Variants in MCC observed in about 807,000 individuals in gnomAD.
MCC encodes the protein MCC regulator of Wnt signaling pathway.
In MCC, 90 loss-of-function variants were observed where a neutral mutation model predicts 116.2. The ratio of observed to expected loss-of-function variants is 0.77; its 90% CI spans 0.65 to 0.92. The LOEUF (loss-of-function observed/expected upper bound fraction) is 0.92, where lower values mean the gene tolerates loss of function less well. MCC is among the 40% of genes least tolerant of loss of function. The probability of loss-of-function intolerance (pLI) is 0.00; values close to 1 mark genes in which losing one functional copy is unlikely to be tolerated. For synonymous variants in MCC, 578 were observed against 510.5 expected (o/e 1.13, Z -1.78); for missense variants, 1,516 against 1,312.2 (o/e 1.16, Z -2.40).
intron 5 of MCC, among the ~76,000 whole-genome samples, chr5:113,133,514 C>T (rs1758597617): frequency 6.6e-6 from 1 of 151,228 alleles, no homozygotes; most frequent in Non-Finnish European, 1.5e-5. Flanking sequence ...TGTGTATCTT[C>T]ATCTATTCAT....
At chr5:113,486,339 C>G (rs990605682) in intron 1 of MCC, among the ~76,000 whole-genome samples, 5 of 152,216 alleles carry the variant, frequency 3.3e-5, no homozygotes, top group Non-Finnish European at 5.9e-5. Flanking sequence ...AGTTTCTACT[C>G]TAATCCAAAA....
At chr5:113,394,933 C>CT in intron 1 of MCC, among the ~76,000 whole-genome samples, 1 of 152,268 alleles carries the variant, frequency 6.6e-6, no homozygotes, top group South Asian at 2.1e-4. Flanking sequence ...TCTATGACTA[C>CT]TTTTTTGCTA....
At chr5:113,197,889 G>T (rs143384655) in intron 3 of MCC, among the ~76,000 whole-genome samples, 1 of 152,226 alleles carries the variant, frequency 6.6e-6, no homozygotes, top group Non-Finnish European at 1.5e-5. Flanking sequence ...GTAAACCCAG[G>T]CAGGAGAGGC....
At chr5:113,095,830 A>G (rs543162746) in intron 8 of MCC, among the ~76,000 whole-genome samples, 6 of 152,260 alleles carry the variant, frequency 3.9e-5, no homozygotes, top group Non-Finnish European at 7.4e-5. Flanking sequence ...AGAGGAGTTC[A>G]GTCTGCAAAT....
At chr5:113,449,280 A>T (rs1771314328) in intron 1 of MCC, among the ~76,000 whole-genome samples, 1 of 152,240 alleles carries the variant, frequency 6.6e-6, no homozygotes, top group Admixed American at 6.5e-5. Flanking sequence ...GCTAAAATAA[A>T]CAAATTAGCC....
intron 1 of MCC, among the ~76,000 whole-genome samples, chr5:113,387,385 C>T (rs145010055): frequency 2.0e-5 from 3 of 152,220 alleles, no homozygotes; most frequent in African/African-American, 4.8e-5. Context: ...ATAAGACCTA[C>T]CTGATATTCA....
At chr5:113,332,616 T>C (rs1221186976) in intron 3 of MCC, among the ~76,000 whole-genome samples, 1 of 142,624 alleles carries the variant, frequency 7.0e-6, no homozygotes, top group Non-Finnish European at 1.5e-5. Context: ...ATAAATCCAG[T>C]AGAAAAAAAT....
chr5:113,409,710 T>C (rs544485823), intron 1 of MCC, among the ~76,000 whole-genome samples: 2 of 152,188 alleles, frequency 1.3e-5, no homozygotes, highest in Non-Finnish European at 2.9e-5. Context: ...TAAGATTTAG[T>C]AATTTTAAAG....
At chr5:113,246,605 C>T (rs1224553471) in intron 3 of MCC, among the ~76,000 whole-genome samples, 2 of 152,208 alleles carry the variant, frequency 1.3e-5, no homozygotes, top group African/African-American at 4.8e-5. Context: ...GGCTGAGAGC[C>T]AAGTAAATGA....
intron 17 of MCC, among the ~76,000 whole-genome samples, chr5:113,029,806 A>G (rs536078248): frequency 6.6e-6 from 1 of 152,316 alleles, no homozygotes; most frequent in Admixed American, 6.5e-5. Context: ...CTCCCTTCCA[A>G]GATCCTTCTA....
chr5:113,180,676 A>G (rs1761581721), intron 3 of MCC, among the ~76,000 whole-genome samples: 1 of 152,332 alleles, frequency 6.6e-6, no homozygotes, highest in East Asian at 1.9e-4. Context: ...CAAGAAGAGT[A>G]TACATTTATG....
chr5:113,479,895 T>C (rs1180545222), intron 1 of MCC, among the ~76,000 whole-genome samples: 1 of 152,236 alleles, frequency 6.6e-6, no homozygotes, highest in Non-Finnish European at 1.5e-5. Context: ...AAAGGCTCTC[T>C]TTCAAAAATT....
At chr5:113,416,425 T>A (rs1241749322) in intron 1 of MCC, among the ~76,000 whole-genome samples, 1 of 151,504 alleles carries the variant, frequency 6.6e-6, no homozygotes, top group Non-Finnish European at 1.5e-5. Flanking sequence ...AGATCCCATC[T>A]CTTAAAAAAA....
At chr5:113,451,706 G>A (rs905012845) in intron 1 of MCC, among the ~76,000 whole-genome samples, 2 of 152,094 alleles carry the variant, frequency 1.3e-5, no homozygotes, top group Non-Finnish European at 2.9e-5. Flanking sequence ...CAACAAGAGT[G>A]AAACTCTGTC....
At chr5:113,446,822 G>C (rs116558775) in intron 1 of MCC, among the ~76,000 whole-genome samples, 3,540 of 152,202 alleles carry the variant, frequency 0.023, 151 homozygotes, top group African/African-American at 0.081. Context: ...GAGGGCAAGG[G>C]TTGAAAAACT....
At chr5:113,059,432 G>T (rs950275660) in intron 14 of MCC, among the ~76,000 whole-genome samples, 10 of 152,192 alleles carry the variant, frequency 6.6e-5, no homozygotes, top group African/African-American at 1.9e-4. Flanking sequence ...AGGCGCTGGC[G>T]GTCTCCCAAG....
intron 1 of MCC, among the ~76,000 whole-genome samples, chr5:113,457,381 G>A (rs988823832): frequency 3.3e-5 from 5 of 152,242 alleles, no homozygotes; most frequent in Admixed American, 1.3e-4. Context: ...CTGCCTTCCC[G>A]CGGAGCAGGC....
At chr5:113,251,971 T>C (rs1387346425) in intron 3 of MCC, among the ~76,000 whole-genome samples, 5 of 152,118 alleles carry the variant, frequency 3.3e-5, no homozygotes, top group East Asian at 1.9e-4. Context: ...AAAGAGACAA[T>C]CAAAGTATTC....
At chr5:113,114,493 G>A (rs1225376305) in intron 6 of MCC, among the ~76,000 whole-genome samples, 2 of 151,938 alleles carry the variant, frequency 1.3e-5, no homozygotes, top group African/African-American at 2.4e-5. Context: ...CCACCCTGAA[G>A]CCTATAACCA....
Sources: allele counts gnomAD v4.1 joint callset (sites outside exome capture counted in the v4.1 genomes callset), GRCh38; gene constraint gnomAD v4.1.1; transcripts MANE v1.5; gene names NCBI Gene and HGNC (gene_info 2026-07-23, HGNC 2026-07-21).